The following KLHDC4 variants were observed in gnomAD, a reference collection of about 807,000 sequenced individuals.
KLHDC4 encodes the protein kelch domain-containing protein 4.
Under a neutral mutation model 62.4 loss-of-function variants are expected in KLHDC4, and 90 were observed. The ratio of observed to expected loss-of-function variants is 1.44; its 90% CI spans 1.22 to 1.72. The LOEUF (loss-of-function observed/expected upper bound fraction) is 1.72, where lower values mean the gene tolerates loss of function less well. KLHDC4 is among the 40% of genes most tolerant of loss of function. KLHDC4 has a pLI of 0.00. For missense variants in KLHDC4, 1,025 were observed against 699.7 expected, an observed-to-expected ratio of 1.47 and a Z score of -5.25; for synonymous variants, 386 against 284.4, an observed-to-expected ratio of 1.36 and a Z score of -3.59.
At position 87,755,198 on chromosome 16, in the gene KLHDC4, T is replaced by C. The variant is rs765736244; in HGVS notation, c.365A>G (p.His122Arg). The change falls in exon 4 of 12, where the codon CAC becomes CGC. Residue 122 changes from histidine to arginine, a missense_variant. Coordinates refer to ENST00000270583, the MANE Select transcript of KLHDC4 (RefSeq NM_017566.4). ...IPSPPPRRCAHQAVVVPQGGG... is the reference protein window; with the variant it reads ...IPSPPPRRCARQAVVVPQGGG... Reference sequence around the variant, plus strand: ...GAGAGTCAGTGCTGACATTACCTGGTGAGCACAGCGCCTCGGAGGTGGACT... The same window carrying C: ...GAGAGTCAGTGCTGACATTACCTGGCGAGCACAGCGCCTCGGAGGTGGACT... The C allele has an allele frequency of 8.7e-6, 14 of 1,605,270 alleles. No individual in the cohort carries two copies. The highest frequency in any genetic ancestry group is 1.3e-5 in the African/African-American group (1 of 74,730).
chr16:87,765,866 TCTC>T lies in KLHDC4; in HGVS notation c.22_24del (p.Glu8del), dbSNP rs774776543. On this transcript the variant is annotated inframe_deletion, in exon 1 of 12. Coordinates refer to ENST00000270583, the MANE Select transcript of KLHDC4 (RefSeq NM_017566.4). ...GTCTTCTCCGCGCCGCGGCCCTTCT[TCTC>T]CTTCTTGCCCTTCTTGCCCATCTTG... 1.7e-5 allele frequency: 26 copies of T among 1,552,364 alleles called. No individual in the cohort carries two copies. In the South Asian group the frequency reaches 2.7e-4, roughly 16 times the overall value.
At chr16:87,711,050 C>G in intron 9 of KLHDC4, 185 bp downstream of exon 9, 1 of 611,774 alleles carries the variant, frequency 1.6e-6, no homozygotes, top group Non-Finnish European at 2.9e-6. Flanking sequence ...ACTAAGGGGA[C>G]CGTGACCAAG....
intron 8 of KLHDC4, among the ~76,000 whole-genome samples, chr16:87,713,590 C>T (rs1047603597): frequency 9.9e-5 from 15 of 152,070 alleles, no homozygotes; most frequent in African/African-American, 3.6e-4. Flanking sequence ...CACACAGGCA[C>T]GGCTTCTTCC....
At chr16:87,732,382 C>T (rs574250241) in intron 5 of KLHDC4, among the ~76,000 whole-genome samples, 4 of 152,312 alleles carry the variant, frequency 2.6e-5, no homozygotes, top group African/African-American at 9.6e-5. Flanking sequence ...AGGCATGAGC[C>T]ACCGCCTCTG....
At chr16:87,760,677 G>C (rs916157278) in intron 2 of KLHDC4, among the ~76,000 whole-genome samples, 1 of 150,618 alleles carries the variant, frequency 6.6e-6, no homozygotes, top group African/African-American at 2.5e-5. Flanking sequence ...GCTTTCCTCA[G>C]GAGTGCTATA....
chr16:87,711,295 G>T lies in KLHDC4; in HGVS notation c.984C>A (p.Phe328Leu). The T allele has an allele frequency of 6.2e-7, 1 of 1,614,138 alleles. No individual in the cohort carries two copies. Among genetic ancestry groups the T allele is most frequent in the Non-Finnish European group, 8.5e-7 (1 of 1,180,040 alleles). The stretch of plus-strand genomic sequence containing the variant: ...CGTCGTAGAAGTACAGATCGTTGAA[G>T]AACTCGCCCGACAGGCTCTCCTCCT... Reference protein sequence around the residue: ...EEEEESLSGEFFNDLYFYDAT... With the variant: ...EEEEESLSGELFNDLYFYDAT... Residue 328 changes from phenylalanine (F) to leucine (L), a missense_variant, in exon 9 of 12, where the codon TTC (phenylalanine) becomes TTA (leucine). Physicochemically the swap from Phe to Leu is conservative, Grantham distance 22. Transcript: ENST00000270583.
rs139246917 is a variant in KLHDC4, at chr16:87,708,605, G to A, written c.1448-139C>T. On this transcript the variant is annotated intron_variant, in intron 10 of 11. Transcript: ENST00000270583. ...ATGTGAAACCTAACTCCTCTTCCCC[G>A]ACCCCCTTCAGATCCACAAAGGAAA... 1.0e-3 allele frequency: 488 copies of A among 484,132 alleles called. 4 individuals are homozygous for A. Among genetic ancestry groups the A allele is most frequent in the African/African-American group, 8.5e-3 (436 of 51,058 alleles). 30.0% of individuals were successfully genotyped at this position (484,132 alleles called of 1,614,324 possible). A position where few individuals can be genotyped will look rare whatever the true frequency, so the allele number is the denominator to read the frequency against.
intron 5 of KLHDC4, among the ~76,000 whole-genome samples, chr16:87,738,580 C>A (rs1418156135): frequency 6.6e-6 from 1 of 150,726 alleles, no homozygotes; most frequent in African/African-American, 2.4e-5. Context: ...CCTCATCCAT[C>A]CACACACCAG....
chr16:87,724,446 G>A (rs866950478), intron 7 of KLHDC4, among the ~76,000 whole-genome samples: 28 of 152,138 alleles, frequency 1.8e-4, no homozygotes, highest in African/African-American at 6.0e-4. Context: ...CTACTGGGAG[G>A]GTATTTGTAA....
chr16:87,736,613 T>G (rs143540626), intron 5 of KLHDC4, among the ~76,000 whole-genome samples: 41 of 152,298 alleles, frequency 2.7e-4, no homozygotes, highest in African/African-American at 9.4e-4. Flanking sequence ...CAAATGATAG[T>G]GTAAAGACAG....
At chr16:87,728,199 G>A (rs930249236) in intron 6 of KLHDC4, among the ~76,000 whole-genome samples, 4 of 152,054 alleles carry the variant, frequency 2.6e-5, no homozygotes, top group African/African-American at 9.7e-5. Context: ...AAAGAAGAAA[G>A]AAAAGATAAC....
intron 2 of KLHDC4, among the ~76,000 whole-genome samples, chr16:87,756,698 G>C (rs188496791): frequency 7.5e-6 from 1 of 132,936 alleles, no homozygotes; most frequent in Non-Finnish European, 1.5e-5. Context: ...GAGCTGGACT[G>C]ACACAGTGTC....
At chr16:87,712,615 A>C (rs770396723) in intron 8 of KLHDC4, among the ~76,000 whole-genome samples, 1 of 152,234 alleles carries the variant, frequency 6.6e-6, no homozygotes, top group African/African-American at 2.4e-5. Flanking sequence ...AAGTGACTGA[A>C]AGAAGGCGTC....
intron 7 of KLHDC4, among the ~76,000 whole-genome samples, chr16:87,715,062 C>T (rs913826035): frequency 1.3e-5 from 2 of 152,312 alleles, no homozygotes; most frequent in Admixed American, 1.3e-4. Flanking sequence ...TGTCCCTTAG[C>T]CCTTAGTCTT....
In KLHDC4 at chr16:87,736,474, A is replaced by G. The variant is rs543400451; in HGVS notation, c.507-5830T>C. Among the ~76,000 whole-genome samples, 3 of 152,260 alleles carry G rather than the reference A, an allele frequency of 2.0e-5. No individual in the cohort carries two copies. In the South Asian group the frequency reaches 6.2e-4, roughly 32 times the overall value. ...CTAGTGGCTCATCCTCAGACTAGAGAGCCCCTGTCTTTCAAAAGCAGTTAC... is the reference window on the plus strand; with the variant it reads ...CTAGTGGCTCATCCTCAGACTAGAGGGCCCCTGTCTTTCAAAAGCAGTTAC... On this transcript the variant is annotated intron_variant, in intron 5 of 11. Coordinates refer to ENST00000270583, the MANE Select transcript of KLHDC4 (RefSeq NM_017566.4).
chr16:87,755,225 G>C lies in KLHDC4; in HGVS notation c.338C>G (p.Pro113Arg), dbSNP rs145755669. 2.5e-6 allele frequency: 4 copies of C among 1,611,662 alleles called. No individual in the cohort carries two copies. The highest frequency in any genetic ancestry group is 2.2e-5 in the East Asian group (1 of 44,868). Residue 113 changes from proline to arginine, a missense_variant, in exon 4 of 12, where the codon CCC becomes CGC. By Grantham distance (103) the Pro-to-Arg change is moderately radical (BLOSUM62 -2). Coordinates refer to ENST00000270583, the MANE Select transcript of KLHDC4 (RefSeq NM_017566.4). Reference sequence around the variant, plus strand: ...AGCACAGCGCCTCGGAGGTGGACTGGGGATGTCAACTTTGGTCCAGGTGTC... The same window carrying C: ...AGCACAGCGCCTCGGAGGTGGACTGCGGATGTCAACTTTGGTCCAGGTGTC... ...RKDTWTKVDI[P>R]SPPPRRCAHQ...
At chr16:87,732,932 TCCCA>T (rs1567736990) in intron 5 of KLHDC4, among the ~76,000 whole-genome samples, 1 of 125,550 alleles carries the variant, frequency 8.0e-6, no homozygotes, top group Non-Finnish European at 1.7e-5. Flanking sequence ...GCAAATCCTA[TCCCA>T]GCTTCTATAG....
chr16:87,730,634 C>A lies in KLHDC4; in HGVS notation c.517G>T (p.Gly173Cys), dbSNP rs146591801. 199 of 1,612,284 alleles carry A rather than the reference C, an allele frequency of 1.2e-4. 1 individual carries two copies. In the African/African-American group the frequency reaches 2.4e-3, roughly 19 times the overall value. The change falls in exon 6 of 12, where the codon GGT becomes TGT. Residue 173 changes from glycine (G) to cysteine (C), a missense_variant. By Grantham distance (159) the Gly-to-Cys change is radical. Transcript: ENST00000270583. ...KTWEQVKSTG[G>C]PSGRSGHRMV... ...CGATGTCCACTCCGACCCGAAGGAC[C>A]GCCTGTTGATCTAAAATGAAATAAA... is the stretch of plus-strand genomic sequence containing the variant.
chr16:87,746,747 G>C (rs1192308471), intron 5 of KLHDC4, among the ~76,000 whole-genome samples: 1 of 152,186 alleles, frequency 6.6e-6, no homozygotes, highest in Non-Finnish European at 1.5e-5. Context: ...ACTCCCTCTA[G>C]AGACTGGAAC....
Sources: allele counts gnomAD v4.1 joint callset (sites outside exome capture counted in the v4.1 genomes callset), GRCh38; gene constraint gnomAD v4.1.1; transcripts MANE v1.5; gene names NCBI Gene and HGNC (gene_info 2026-07-23, HGNC 2026-07-21).